The following FAM90A5 variants were observed in gnomAD, a reference collection of about 807,000 sequenced individuals.
FAM90A5 encodes the protein family with sequence similarity 90 member A5, also known as protein FAM90A5.
the FAM90A5 span, chr8:7,288,889 TG>T: frequency 1.5e-5 from 1 of 66,192 alleles, no homozygotes; most frequent in Admixed American, 1.5e-4. Context: ...CTTGCCTTCT[TG>T]GGGTCAGGGA....
chr8:7,290,120 C>G, the FAM90A5 span: 2 of 100,466 alleles, frequency 2.0e-5, no homozygotes, highest in Non-Finnish European at 3.5e-5. Flanking sequence ...CTTGCCTGCC[C>G]ACTGCCCAGG....
the FAM90A5 span, among the ~76,000 whole-genome samples, chr8:7,288,941 CAT>C: frequency 0.12 from 5,243 of 43,342 alleles, 4 homozygotes; most frequent in Non-Finnish European, 0.19. Flanking sequence ...CAGGCGAAGG[CAT>C]CTGAACATGC....
At chr8:7,288,873 CTCTT>C in the FAM90A5 span, 8 of 65,950 alleles carry the variant, frequency 1.2e-4, no homozygotes, top group East Asian at 2.1e-3. Flanking sequence ...CGGGGAACCC[CTCTT>C]TCTTGCCTTC....
At chr8:7,290,092 A>G in the FAM90A5 span, 4 of 88,318 alleles carry the variant, frequency 4.5e-5, no homozygotes, top group Non-Finnish European at 8.0e-5. Flanking sequence ...GTCGACCGGC[A>G]GCCTCCGCAC....
the FAM90A5 span, chr8:7,290,399 G>T: frequency 5.7e-6 from 1 of 176,950 alleles, no homozygotes; most frequent in Non-Finnish European, 1.1e-5. Flanking sequence ...CTGACCTGGA[G>T]TGAGACTGCA....
chr8:7,288,943 TC>T, the FAM90A5 span, among the ~76,000 whole-genome samples: 1 of 32,422 alleles, frequency 3.1e-5, no homozygotes, highest in Non-Finnish European at 9.6e-5. Flanking sequence ...GGCGAAGGCA[TC>T]TGAACATGCC....
chr8:7,289,044 C>T, the FAM90A5 span, among the ~76,000 whole-genome samples: 2 of 71,598 alleles, frequency 2.8e-5, no homozygotes, highest in South Asian at 3.8e-4. Context: ...CCCTCAGAGG[C>T]CCCAAACGTG....
chr8:7,290,246 A>T, the FAM90A5 span: 1 of 71,416 alleles, frequency 1.4e-5, no homozygotes. Context: ...CGGCCCCCTC[A>T]TTTCACTCTC....
the FAM90A5 span, among the ~76,000 whole-genome samples, chr8:7,289,136 GGCATTA>G: frequency 5.0e-5 from 4 of 80,802 alleles, no homozygotes; most frequent in Non-Finnish European, 8.1e-5. Context: ...CCTTGGGAAG[GGCATTA>G]GTCCGTTCCA....
At chr8:7,290,134 G>T in the FAM90A5 span, 1 of 104,342 alleles carries the variant, frequency 9.6e-6, no homozygotes, top group Non-Finnish European at 1.7e-5. Flanking sequence ...GCCCAGGCCT[G>T]CACCATGTCC....
At chr8:7,290,395 TG>T in the FAM90A5 span, 1 of 171,466 alleles carries the variant, frequency 5.8e-6, no homozygotes, top group Admixed American at 1.1e-4. Flanking sequence ...GATTCTGACC[TG>T]GAGTGAGACT....
chr8:7,288,949 C>CA, the FAM90A5 span, among the ~76,000 whole-genome samples: 1 of 55,400 alleles, frequency 1.8e-5, no homozygotes, highest in Non-Finnish European at 4.2e-5. Context: ...GGCATCTGAA[C>CA]ATGCCGTATT....
the FAM90A5 span, among the ~76,000 whole-genome samples, chr8:7,289,026 A>T: frequency 3.0e-5 from 2 of 67,160 alleles, no homozygotes; most frequent in South Asian, 4.0e-4. Flanking sequence ...CGGCATGAGG[A>T]AATTAGTCCC....
the FAM90A5 span, chr8:7,288,590 GC>G: frequency 1.9e-5 from 1 of 52,732 alleles, no homozygotes; most frequent in African/African-American, 5.6e-4. Flanking sequence ...ACGGAATGGG[GC>G]TGGGCCCCAG....
the FAM90A5 span, among the ~76,000 whole-genome samples, chr8:7,289,129 TG>T: frequency 1.2e-5 from 1 of 80,670 alleles, no homozygotes. Flanking sequence ...CAACCTGCCT[TG>T]GGAAGGGCAT....
At chr8:7,290,250 C>T in the FAM90A5 span, 3 of 69,948 alleles carry the variant, frequency 4.3e-5, 1 homozygote, top group South Asian at 2.0e-4. Context: ...CCCCTCATTT[C>T]ACTCTCCTGA....
chr8:7,288,967 GCTTT>G, the FAM90A5 span, among the ~76,000 whole-genome samples: 1 of 55,486 alleles, frequency 1.8e-5, no homozygotes, highest in Non-Finnish European at 4.1e-5. Context: ...ATTTCCTGTT[GCTTT>G]CTTTCTGTCC....
chr8:7,290,347 A>G, the FAM90A5 span: 1 of 119,722 alleles, frequency 8.4e-6, no homozygotes, highest in South Asian at 3.5e-5. Context: ...AGCGTCCTCT[A>G]TGAGGACCTT....
the FAM90A5 span, among the ~76,000 whole-genome samples, chr8:7,288,945 T>TG: frequency 0.12 from 5,250 of 42,782 alleles, 4 homozygotes; most frequent in Middle Eastern, 0.2. Flanking sequence ...CGAAGGCATC[T>TG]GAACATGCCG....
Sources: gnomAD v4.1 joint callset for allele counts (sites outside exome capture counted in the v4.1 genomes callset) on GRCh38, gnomAD v4.1.1 for gene constraint, MANE v1.5 for transcripts, NCBI Gene and HGNC (gene_info 2026-07-23, HGNC 2026-07-21) for gene names.